The following HDAC9 variants were observed in gnomAD, a reference collection of about 807,000 sequenced individuals.
HDAC9 encodes histone deacetylase 9, also known as MEF-2 interacting transcription repressor (MITR) protein.
HDAC9 carries 41 observed loss-of-function variants against 139.4 expected under a neutral mutation model. The observed-to-expected ratio is 0.29, with a 90% confidence interval of 0.23 to 0.38. HDAC9 has a LOEUF of 0.38. Ranked by LOEUF, HDAC9 falls within the 10% of genes least tolerant of loss-of-function variation. HDAC9 has a pLI of 1.00. For missense variants in HDAC9, 1,147 were observed against 1,297.0 expected, an observed-to-expected ratio of 0.88 and a Z score of 1.78; for synonymous variants, 517 against 476.2, an observed-to-expected ratio of 1.09 and a Z score of -1.12.
At chr7:18,741,220 A>G (rs571397238) in intron 13 of HDAC9, among the ~76,000 whole-genome samples, 1 of 152,344 alleles carries the variant, frequency 6.6e-6, no homozygotes, top group African/African-American at 2.4e-5. Context: ...AGAGATAGAG[A>G]GAAAACTTTA....
At chr7:18,131,384 C>A (rs2128101923) in intron 1 of HDAC9, among the ~76,000 whole-genome samples, 1 of 152,164 alleles carries the variant, frequency 6.6e-6, no homozygotes, top group African/African-American at 2.4e-5. Context: ...TGCTGAAAAT[C>A]AAAATGTTAT....
At chr7:18,605,122 AT>A (rs919302912) in intron 6 of HDAC9, among the ~76,000 whole-genome samples, 126 of 151,946 alleles carry the variant, frequency 8.3e-4, no homozygotes, top group African/African-American at 2.9e-3. Context: ...GTTTCCTTTG[AT>A]TTTTTTCCTT....
Position 18,732,929 on chromosome 7 carries a change from GTA to G in HDAC9, c.1909+5174_1909+5175del, listed in dbSNP as rs376421228. ...TGTGCGTATGTGTATACACACGTGT[GTA>G]TGTATGTGTATACACACGTGTATGT... On this transcript the variant is annotated intron_variant, in intron 13 of 25. Transcript: ENST00000686413. Among the ~76,000 whole-genome samples, 558 of 91,836 alleles carry G rather than the reference GTA, an allele frequency of 6.1e-3. 63 individuals carry two copies. The highest frequency in any genetic ancestry group is 0.018 in the East Asian group (41 of 2,328). 60.2% of individuals were successfully genotyped at this position (91,836 alleles called of 152,430 possible).
intron 13 of HDAC9, among the ~76,000 whole-genome samples, chr7:18,744,567 T>A (rs1787764142): frequency 6.6e-6 from 1 of 152,150 alleles, no homozygotes; most frequent in Non-Finnish European, 1.5e-5. Flanking sequence ...GGATCAATAA[T>A]TTTAGTCCAA....
chr7:18,747,091 T>A (rs1054375439), intron 13 of HDAC9, among the ~76,000 whole-genome samples: 6 of 152,026 alleles, frequency 3.9e-5, no homozygotes, highest in African/African-American at 1.4e-4. Context: ...GCTGCTAGGA[T>A]TTTGATCTTT....
At chr7:18,829,383 A>T in intron 18 of HDAC9, 78 bp from the exon 19 acceptor site, 1 of 1,247,066 alleles carries the variant, frequency 8.0e-7, no homozygotes. Flanking sequence ...GCATTTAAAA[A>T]AATGCTCTGA....
In HDAC9 at chr7:18,770,950, C is replaced by G. The variant is rs577136073; in HGVS notation, c.2214+3795C>G. ...TTCATGCTCTGTTCCCTGGGGAAAG[C>G]CCTGCAGACAGCAGAGAATTCCACT... is the stretch of plus-strand genomic sequence containing the variant. On this transcript the variant is annotated intron_variant, in intron 16 of 25. Transcript: ENST00000686413. 6.6e-5 allele frequency among the ~76,000 whole-genome samples: 10 copies of G among 152,236 alleles called. No homozygotes were observed. The East Asian group carries it at 1.9e-3, about 29-fold the overall frequency.
intron 1 of HDAC9, among the ~76,000 whole-genome samples, chr7:18,300,275 G>T (rs1798450760): frequency 6.6e-6 from 1 of 151,808 alleles, no homozygotes; most frequent in South Asian, 2.1e-4. Context: ...CCAGTCCGTG[G>T]CCCAGAGAAG....
chr7:18,149,355 CTT>C (rs534480190), intron 1 of HDAC9, among the ~76,000 whole-genome samples: 2 of 139,552 alleles, frequency 1.4e-5, no homozygotes, highest in Non-Finnish European at 3.1e-5. Context: ...ATAATTTTTT[CTT>C]TTTTTTTTTT....
chr7:18,669,711 A>G (rs1795547443), intron 12 of HDAC9, among the ~76,000 whole-genome samples: 1 of 151,896 alleles, frequency 6.6e-6, no homozygotes. Flanking sequence ...TTTATAGTGT[A>G]TATCTGATTT....
Position 18,700,233 on chromosome 7 carries a change from G to C in HDAC9, c.1732-27347G>C, listed in dbSNP as rs553036287. ...TTCAACAATCATATGTTTGTGTATG[G>C]CGATGGGGAGAGGGAGAGAAGTAGT... On this transcript the variant is annotated intron_variant, in intron 12 of 25. Transcript: ENST00000686413. 1.2e-4 allele frequency among the ~76,000 whole-genome samples: 19 copies of C among 152,288 alleles called. No homozygotes were observed. The South Asian group carries it at 2.7e-3, about 22-fold the overall frequency.
intron 2 of HDAC9, among the ~76,000 whole-genome samples, chr7:18,555,395 T>C (rs1048052277): frequency 3.9e-5 from 6 of 152,200 alleles, no homozygotes; most frequent in Non-Finnish European, 8.8e-5. Context: ...GCTTGGTTAA[T>C]TATTGACAAT....
intron 6 of HDAC9, among the ~76,000 whole-genome samples, chr7:18,613,560 C>A (rs1837755446): frequency 6.6e-6 from 1 of 152,036 alleles, no homozygotes; most frequent in African/African-American, 2.4e-5. Flanking sequence ...TAGAAAAAAA[C>A]AAAAATTCAT....
chr7:18,259,711 G>A (rs1795519921), intron 2 of HDAC9, among the ~76,000 whole-genome samples: 1 of 152,076 alleles, frequency 6.6e-6, no homozygotes, highest in South Asian at 2.1e-4. Flanking sequence ...TTCATGAAGT[G>A]TTTAGCACAC....
Position 18,521,798 on chromosome 7 carries a change from A to G in HDAC9, c.22+25474A>G, listed in dbSNP as rs192608955. Among the ~76,000 whole-genome samples, 388 of 152,326 alleles carry G rather than the reference A, an allele frequency of 2.5e-3. 1 individual carries two copies. The highest frequency in any genetic ancestry group is 4.0e-3 in the Non-Finnish European group (275 of 68,032). ...ACATTTTACTTAGTATTGTTTTTAA[A>G]AAAACATTCAATTAATATTCTGAAA... On this transcript the variant is annotated intron_variant, in intron 2 of 25. Coordinates refer to ENST00000686413, the MANE Select transcript of HDAC9 (RefSeq NM_178425.4).
chr7:18,754,661 A>T lies in HDAC9; in HGVS notation c.2043+5523A>T, dbSNP rs370504064. Among the ~76,000 whole-genome samples, 5 of 152,260 alleles carry T rather than the reference A, an allele frequency of 3.3e-5. No individual in the cohort carries two copies. In the East Asian group the frequency reaches 5.8e-4, roughly 18 times the overall value. On this transcript the variant is annotated intron_variant, in intron 14 of 25. Coordinates refer to ENST00000686413, the MANE Select transcript of HDAC9 (RefSeq NM_178425.4). ...GTTTAACTCGTTTATTCAAGTGCCA[A>T]CACAAAGTAATTACAAAACAATTCT...
chr7:18,721,542 T>G (rs1434021501), intron 12 of HDAC9, among the ~76,000 whole-genome samples: 1 of 152,184 alleles, frequency 6.6e-6, no homozygotes, highest in Non-Finnish European at 1.5e-5. Flanking sequence ...TGTCTCTTGC[T>G]CTGTATTTTC....
In HDAC9 at chr7:18,595,949, A is replaced by G. The variant is rs910118713; in HGVS notation, c.664+1920A>G. Among the ~76,000 whole-genome samples, 3 of 152,208 alleles carry G rather than the reference A, an allele frequency of 2.0e-5. 1 individual carries two copies. ...TATTCTCATAGATTTTTTTCAATCC[A>G]CAACACAATTTAAAAAGAAATCCTT... On this transcript the variant is annotated intron_variant, in intron 6 of 25. Transcript: ENST00000686413.
At chr7:18,640,552 C>T (rs543922071) in intron 8 of HDAC9, among the ~76,000 whole-genome samples, 1 of 151,700 alleles carries the variant, frequency 6.6e-6, no homozygotes, top group South Asian at 2.1e-4. Flanking sequence ...GGTTCCTTCT[C>T]TCCATCTCCT....
Sources: gnomAD v4.1 joint callset for allele counts (sites outside exome capture counted in the v4.1 genomes callset) on GRCh38, gnomAD v4.1.1 for gene constraint, MANE v1.5 for transcripts, NCBI Gene and HGNC (gene_info 2026-07-23, HGNC 2026-07-21) for gene names.